The following ATP8B4 variants were observed in gnomAD, a reference collection of about 807,000 sequenced individuals.
The protein encoded by ATP8B4 is ATPase phospholipid transporting 8B4 (putative), also known as probable phospholipid-transporting ATPase IM.
In ATP8B4, 133 loss-of-function variants were observed where a neutral mutation model predicts 145.6. The observed-to-expected ratio is 0.91, with a 90% CI of 0.79 to 1.05. ATP8B4 has a LOEUF of 1.05. Among genes scored for constraint, ATP8B4 ranks in the 50% least tolerant of loss-of-function variants. The pLI is 0.00. For missense variants in ATP8B4, 1,458 were observed against 1,425.2 expected (o/e 1.02, Z -0.37); for synonymous variants, 507 against 492.9 (o/e 1.03, Z -0.38).
chr15:49,912,407 CA>C (rs1223138597), intron 20 of ATP8B4, among the ~76,000 whole-genome samples: 1 of 152,132 alleles, frequency 6.6e-6, no homozygotes, highest in African/African-American at 2.4e-5. Flanking sequence ...TGCTAACTAA[CA>C]GGAAAACCTA....
At chr15:49,995,349 A>T (rs1434345990) in intron 9 of ATP8B4, among the ~76,000 whole-genome samples, 2 of 152,176 alleles carry the variant, frequency 1.3e-5, no homozygotes, top group Non-Finnish European at 2.9e-5. Flanking sequence ...ATTTTGATTC[A>T]TGAACACAAT....
At chr15:49,876,874 G>C (rs2034521475) in intron 24 of ATP8B4, among the ~76,000 whole-genome samples, 1 of 152,174 alleles carries the variant, frequency 6.6e-6, no homozygotes, top group African/African-American at 2.4e-5. Context: ...CGTGCTCCCA[G>C]AATTCCAGCA....
intron 23 of ATP8B4, among the ~76,000 whole-genome samples, chr15:49,887,961 A>G (rs569083766): frequency 1.3e-5 from 2 of 152,360 alleles, no homozygotes; most frequent in African/African-American, 4.8e-5. Context: ...TTCAAATAAC[A>G]GGATGAACTT....
rs530567189 is a variant in ATP8B4 at position 49,920,308 on chromosome 15, C to A, written c.1861G>T (p.Ala621Ser). The change falls in exon 18 of 28, where the codon GCC (alanine) becomes TCC (serine). Residue 621 changes from alanine to serine, a missense_variant. By Grantham distance (99) the Ala-to-Ser change is moderately conservative. Coordinates refer to ENST00000284509, the MANE Select transcript of ATP8B4 (RefSeq NM_024837.4). ...WHKMLEDANA[A>S]TEERDERIAG... ...ATTCGTTCATCCCTCTCTTCTGTGG[C>A]AGCATTCGCATCTTCAAGCATCTTA... The A allele has an allele frequency of 6.2e-7, 1 of 1,614,200 alleles. No individual in the cohort carries two copies. The highest frequency in any genetic ancestry group is 2.2e-5 in the East Asian group (1 of 44,886).
intron 1 of ATP8B4, among the ~76,000 whole-genome samples, chr15:50,147,666 G>A (rs908719656): frequency 1.3e-5 from 2 of 152,054 alleles, no homozygotes; most frequent in African/African-American, 4.8e-5. Flanking sequence ...AAAGCTGATC[G>A]GGACCTGCCA....
intron 6 of ATP8B4, among the ~76,000 whole-genome samples, chr15:50,023,779 C>CAAAAAAAAAAAAAAAAAAAAAAAAAAAGA (rs60030651): frequency 1.3e-5 from 1 of 75,056 alleles, no homozygotes; most frequent in Non-Finnish European, 2.5e-5. Context: ...AGACCAAAGG[C>CAAAAAAAAAAAAAAAAAAAAAAAAAAAGA]AAAAAAAAAA....
chr15:50,131,041 A>G (rs1214084712), intron 1 of ATP8B4, among the ~76,000 whole-genome samples: 1 of 152,030 alleles, frequency 6.6e-6, no homozygotes, highest in African/African-American at 2.4e-5. Flanking sequence ...AGCAGGAAGG[A>G]GAAGTGCCTA....
At chr15:50,179,390 C>T (rs1399374212) in intron 1 of ATP8B4, among the ~76,000 whole-genome samples, 1 of 152,100 alleles carries the variant, frequency 6.6e-6, no homozygotes, top group African/African-American at 2.4e-5. Flanking sequence ...GGCATCTGGT[C>T]AACTCTAGGC....
chr15:49,977,033 G>C (rs2045726888), intron 12 of ATP8B4, among the ~76,000 whole-genome samples: 1 of 152,016 alleles, frequency 6.6e-6, no homozygotes. Flanking sequence ...AACTGTAGCT[G>C]GGTACGCCTT....
At chr15:50,116,354 T>C (rs2057160356) in intron 1 of ATP8B4, among the ~76,000 whole-genome samples, 1 of 152,006 alleles carries the variant, frequency 6.6e-6, no homozygotes, top group South Asian at 2.1e-4. Flanking sequence ...ACTGAGGGAA[T>C]AGAGGTGCCA....
intron 5 of ATP8B4, among the ~76,000 whole-genome samples, chr15:50,041,769 T>C (rs919064916): frequency 1.3e-5 from 2 of 152,096 alleles, no homozygotes; most frequent in Admixed American, 6.5e-5. Context: ...TGAAACCCCA[T>C]CTCTACTAAA....
chr15:49,954,400 C>A (rs988965111), intron 14 of ATP8B4, among the ~76,000 whole-genome samples: 1 of 152,072 alleles, frequency 6.6e-6, no homozygotes, highest in Non-Finnish European at 1.5e-5. Flanking sequence ...ACAGACAACC[C>A]ACAGATTGGG....
At chr15:50,127,584 A>G (rs1019054237) in intron 1 of ATP8B4, among the ~76,000 whole-genome samples, 37 of 152,288 alleles carry the variant, frequency 2.4e-4, no homozygotes, top group Non-Finnish European at 4.4e-4. Context: ...GAGGCCTCAA[A>G]TGTTGCCTTA....
At chr15:50,030,127 T>C (rs192577853) in intron 6 of ATP8B4, among the ~76,000 whole-genome samples, 47 of 152,268 alleles carry the variant, frequency 3.1e-4, no homozygotes, top group African/African-American at 1.0e-3. Flanking sequence ...TAAGAAAACT[T>C]TATATTTTTA....
At chr15:50,128,283 G>T (rs1260432518) in intron 1 of ATP8B4, among the ~76,000 whole-genome samples, 1 of 152,188 alleles carries the variant, frequency 6.6e-6, no homozygotes, top group African/African-American at 2.4e-5. Flanking sequence ...CCAGAGAGTT[G>T]GAGTCACATG....
At chr15:50,176,466 A>G (rs1047075451) in intron 1 of ATP8B4, among the ~76,000 whole-genome samples, 25 of 152,164 alleles carry the variant, frequency 1.6e-4, no homozygotes, top group Non-Finnish European at 2.9e-5. Context: ...TCACCATTAA[A>G]GAACTTGCTC....
intron 1 of ATP8B4, among the ~76,000 whole-genome samples, chr15:50,145,535 C>A (rs2044265058): frequency 6.6e-6 from 1 of 152,158 alleles, no homozygotes; most frequent in South Asian, 2.1e-4. Flanking sequence ...AGGTGCGTCA[C>A]CCTATCCCAG....
intron 2 of ATP8B4, among the ~76,000 whole-genome samples, chr15:50,085,980 A>ATATATTTATATATGAT (rs1567331562): frequency 4.4e-4 from 9 of 20,598 alleles, no homozygotes; most frequent in Admixed American, 2.3e-3. Flanking sequence ...TGATATATCA[A>ATATATTTATATATGAT]ATATATCATA....
chr15:50,047,090 T>C (rs2051781183), intron 4 of ATP8B4, among the ~76,000 whole-genome samples: 1 of 152,222 alleles, frequency 6.6e-6, no homozygotes, highest in Non-Finnish European at 1.5e-5. Context: ...CAGTAATTAT[T>C]AGGCTCTGGT....
Sources: allele counts gnomAD v4.1 joint callset (sites outside exome capture counted in the v4.1 genomes callset), GRCh38; gene constraint gnomAD v4.1.1; transcripts MANE v1.5; gene names NCBI Gene and HGNC (gene_info 2026-07-23, HGNC 2026-07-21).